Variants in GSG1L2 observed in about 807,000 individuals in gnomAD.
GSG1L2 encodes germ cell-specific gene 1-like protein 2.
A neutral mutation model predicts 9.0 loss-of-function variants in GSG1L2; 15 were observed. The ratio of observed to expected loss-of-function variants is 1.67; its 90% CI spans 1.12 to 2.57. The LOEUF (loss-of-function observed/expected upper bound fraction) is 2.57, where lower values mean the gene tolerates loss of function less well. Ranked by LOEUF, GSG1L2 falls within the 30% of genes most tolerant of loss-of-function variation. The pLI, the probability that GSG1L2 is intolerant of heterozygous loss-of-function variation, is 0.00. For missense variants in GSG1L2, 286 were observed against 150.3 expected, an observed-to-expected ratio of 1.90 and a Z score of -4.72; for synonymous variants, 127 against 57.9, an observed-to-expected ratio of 2.19 and a Z score of -5.41.
intron 1 of GSG1L2, among the ~76,000 whole-genome samples, chr17:9,811,757 G>A (rs1473414584): frequency 6.6e-6 from 1 of 152,214 alleles, no homozygotes; most frequent in Non-Finnish European, 1.5e-5. Flanking sequence ...AGACAGCGTA[G>A]GTAGAGGCAG....
chr17:9,812,213 GAAGATTC>G (rs2066541994), intron 1 of GSG1L2, among the ~76,000 whole-genome samples: 1 of 152,134 alleles, frequency 6.6e-6, no homozygotes, highest in Non-Finnish European at 1.5e-5. Context: ...ACCATTGCTG[GAAGATTC>G]CAGGAACAGA....
At position 9,821,976 on chromosome 17, in the gene GSG1L2, A is replaced by T. The variant is rs2066592072; in HGVS notation, c.96T>A (p.Cys32Ter). Residue 32 changes from cysteine to a stop codon, truncating the protein, a stop_gained, in exon 1 of 5, where the codon TGT (cysteine) becomes TGA (stop). Coordinates refer to ENST00000399363, the MANE Select transcript of GSG1L2 (RefSeq NM_001310219.2). LOFTEE classifies it high-confidence loss of function. ...SLTAVVSSHW[C>*]EGTRRVVKPL... ...GCTTCACCACCCGTCGGGTCCCCTC[A>T]CACCAGTGGCTGCTGACCACGGCGG... 1 of 702,900 alleles carries T rather than the reference A, an allele frequency of 1.4e-6. No individual in the cohort carries two copies. 43.5% of individuals were successfully genotyped at this position (702,900 alleles called of 1,614,324 possible). A position where few individuals can be genotyped will look rare whatever the true frequency, so the allele number is the denominator to read the frequency against.
chr17:9,811,178 TG>T (rs2066537579), intron 1 of GSG1L2: 1 of 152,444 alleles, frequency 6.6e-6, no homozygotes, highest in African/African-American at 2.4e-5. Context: ...ATTGGCTTCT[TG>T]TTGAAGGGAA....
At chr17:9,804,954 T>C (rs1597939278) in intron 4 of GSG1L2, 4 of 152,064 alleles carry the variant, frequency 2.6e-5, no homozygotes, top group Admixed American at 2.6e-4. Flanking sequence ...AAGATCAGGA[T>C]ATTATGAAAA....
At chr17:9,808,754 G>C in intron 3 of GSG1L2, 76 bp downstream of exon 3, 1 of 668,240 alleles carries the variant, frequency 1.5e-6, no homozygotes, top group Non-Finnish European at 2.7e-6. Context: ...CCTGTTCTTT[G>C]GTAATGAGCA....
At chr17:9,803,308 G>A (rs1490630449) in intron 4 of GSG1L2, among the ~76,000 whole-genome samples, 1 of 152,062 alleles carries the variant, frequency 6.6e-6, no homozygotes, top group East Asian at 1.9e-4. Flanking sequence ...TCACCATGTT[G>A]GCCAGGCCGG....
chr17:9,811,355 C>G (rs1347952456), intron 1 of GSG1L2, among the ~76,000 whole-genome samples: 1 of 152,172 alleles, frequency 6.6e-6, no homozygotes, highest in East Asian at 1.9e-4. Context: ...TGGGCAGAAG[C>G]CGCCACCAGA....
chr17:9,807,394 C>T (rs1597940194), intron 4 of GSG1L2, 96 bp downstream of exon 4: 1 of 679,690 alleles, frequency 1.5e-6, no homozygotes, highest in Non-Finnish European at 2.7e-6. Flanking sequence ...GATGCCAGCA[C>T]TATGACCAAG....
chr17:9,813,371 C>T (rs1176028017), intron 1 of GSG1L2, among the ~76,000 whole-genome samples: 2 of 152,270 alleles, frequency 1.3e-5, no homozygotes, highest in Non-Finnish European at 1.5e-5. Flanking sequence ...GGGATTCGTG[C>T]GTCACATGAC....
In GSG1L2 at chr17:9,820,343, A is replaced by G. The variant is rs2152025333; in HGVS notation, c.310+1419T>C. ...AGTGATTTGCCTATAAGTATGGTGAATACAGTTTCCAAACCAAAATTCTGG... is the reference window on the plus strand; with the variant it reads ...AGTGATTTGCCTATAAGTATGGTGAGTACAGTTTCCAAACCAAAATTCTGG... On this transcript the variant is annotated intron_variant, in intron 1 of 4. Transcript: ENST00000399363. This position sits in a 1 kb window ranked among gnomAD's most constrained non-coding sequence, Gnocchi z 4.9. 6.6e-6 allele frequency among the ~76,000 whole-genome samples: 1 copy of G among 152,326 alleles called. No individual in the cohort carries two copies. The highest frequency in any genetic ancestry group is 2.4e-5 in the African/African-American group (1 of 41,566).
intron 1 of GSG1L2, among the ~76,000 whole-genome samples, chr17:9,816,263 G>A (rs2066558898): frequency 6.6e-6 from 1 of 152,242 alleles, no homozygotes; most frequent in African/African-American, 2.4e-5. Context: ...ATGAATCATG[G>A]AGAACACTAA....
chr17:9,816,407 T>C (rs59788584), intron 1 of GSG1L2, among the ~76,000 whole-genome samples: 86,271 of 148,358 alleles, frequency 0.58, 27,065 homozygotes, highest in East Asian at 0.99. Context: ...TGTGTGTGTG[T>C]GTGTGTGTCT....
chr17:9,816,922 G>GTCTC (rs879662274), intron 1 of GSG1L2, among the ~76,000 whole-genome samples: 75,428 of 148,726 alleles, frequency 0.51, 20,762 homozygotes, highest in East Asian at 0.99. Context: ...GTGTGTGTGT[G>GTCTC]TGTGTGTGTG....
chr17:9,821,401 A>G (rs1174424072), intron 1 of GSG1L2, among the ~76,000 whole-genome samples: 1 of 129,954 alleles, frequency 7.7e-6, no homozygotes, highest in Non-Finnish European at 1.5e-5. Context: ...ATTCAGTGAC[A>G]AGAACAAACG....
At position 9,820,837 on chromosome 17, in the gene GSG1L2, G is replaced by A. The variant is rs778396482; in HGVS notation, c.310+925C>T. 3.3e-5 allele frequency among the ~76,000 whole-genome samples: 5 copies of A among 151,982 alleles called. No individual in the cohort carries two copies. Among genetic ancestry groups the A allele is most frequent in the African/African-American group, 7.3e-5 (3 of 41,358 alleles). ...AGCTAATTTTTTAAAAAAACCTTTT[G>A]TAAAGAGAGGTCTCACTATGTTGCC... On this transcript the variant is annotated intron_variant, in intron 1 of 4. Transcript: ENST00000399363. This position sits in a 1 kb window ranked among gnomAD's most constrained non-coding sequence, Gnocchi z 4.9.
intron 1 of GSG1L2, among the ~76,000 whole-genome samples, chr17:9,816,390 CTG>C (rs369115808): frequency 3.4e-4 from 50 of 148,188 alleles, no homozygotes; most frequent in East Asian, 1.2e-3. Context: ...GCGTGTGTGT[CTG>C]TGTCTGTGTG....
intron 2 of GSG1L2, chr17:9,809,746 T>C (rs2152023122): frequency 6.6e-6 from 1 of 152,482 alleles, no homozygotes; most frequent in Middle Eastern, 3.4e-3. Context: ...ACAAACCTCT[T>C]GTAAGACAGA....
intron 1 of GSG1L2, among the ~76,000 whole-genome samples, chr17:9,821,344 T>C (rs537359819): frequency 2.0e-5 from 3 of 152,170 alleles, no homozygotes; most frequent in Non-Finnish European, 4.4e-5. Context: ...CACCTTCGAG[T>C]TGGGTCGGGA....
intron 1 of GSG1L2, among the ~76,000 whole-genome samples, chr17:9,816,950 C>T (rs1367662694): frequency 1.5e-5 from 1 of 68,346 alleles, no homozygotes; most frequent in Non-Finnish European, 2.5e-5. Flanking sequence ...GTAGTAAACA[C>T]TCTGTGGGTT....
Sources: allele counts gnomAD v4.1 joint callset (sites outside exome capture counted in the v4.1 genomes callset), GRCh38; gene constraint gnomAD v4.1.1; non-coding constraint Gnocchi (gnomAD v3.1); transcripts MANE v1.5; gene names NCBI Gene and HGNC (gene_info 2026-07-23, HGNC 2026-07-21).